The following CSMD1 variants were observed in gnomAD, a reference collection of about 807,000 sequenced individuals.
CSMD1 encodes the protein CUB and sushi domain-containing protein 1.
CSMD1 carries 213 observed loss-of-function variants against 417.5 expected under a neutral mutation model. That is an observed-to-expected ratio of 0.51 (90% confidence interval 0.46 to 0.57). CSMD1 has a LOEUF of 0.57. Among genes scored for constraint, CSMD1 ranks in the 20% least tolerant of loss-of-function variants. The pLI, the probability that CSMD1 is intolerant of heterozygous loss-of-function variation, is 0.00. For synonymous variants in CSMD1, 2,862 were observed against 1,736.8 expected (o/e 1.65, Z -16.11); for missense variants, 6,923 against 4,529.7 (o/e 1.53, Z -15.17).
intron 3 of CSMD1, among the ~76,000 whole-genome samples, chr8:4,141,703 C>G (rs1411779598): frequency 6.6e-6 from 1 of 151,070 alleles, no homozygotes; most frequent in Admixed American, 6.6e-5. Flanking sequence ...GGAGAGCAGG[C>G]AATTCTGATC....
chr8:4,928,771 A>G (rs139396907), intron 1 of CSMD1, among the ~76,000 whole-genome samples: 181 of 152,230 alleles, frequency 1.2e-3, no homozygotes, highest in African/African-American at 4.3e-3. Flanking sequence ...TTAAAGAGGT[A>G]ATTAAGTTAA....
intron 3 of CSMD1, among the ~76,000 whole-genome samples, chr8:4,226,084 AC>A (rs1801337438): frequency 6.7e-6 from 1 of 149,468 alleles, no homozygotes; most frequent in Non-Finnish European, 1.5e-5. Context: ...ACACACACAC[AC>A]ACACACACAC....
At chr8:4,246,031 A>C (rs1352278542) in intron 3 of CSMD1, among the ~76,000 whole-genome samples, 1 of 152,128 alleles carries the variant, frequency 6.6e-6, no homozygotes, top group Admixed American at 6.5e-5. Flanking sequence ...TTGTTGTTTG[A>C]TTTTTAACTT....
chr8:4,299,477 A>T (rs962321294), intron 3 of CSMD1, among the ~76,000 whole-genome samples: 2 of 152,206 alleles, frequency 1.3e-5, no homozygotes, highest in African/African-American at 4.8e-5. Flanking sequence ...TTCAACAGAT[A>T]CTTACTCAAT....
chr8:3,667,656 T>A (rs1300178701), intron 7 of CSMD1, among the ~76,000 whole-genome samples: 3 of 152,116 alleles, frequency 2.0e-5, no homozygotes, highest in Non-Finnish European at 4.4e-5. Context: ...ACCCAGGCCT[T>A]GGGGTGAAGA....
chr8:4,189,873 C>T lies in CSMD1; in HGVS notation c.416-157774G>A, dbSNP rs1798911360. On this transcript the variant is annotated intron_variant, in intron 3 of 69. Coordinates refer to ENST00000635120, the MANE Select transcript of CSMD1 (RefSeq NM_033225.6). ...TTAATATTTTTTGTGGTACGTAATACATAGCCTTGAATCATTTCTAAGCCA... is the reference window on the plus strand; with the variant it reads ...TTAATATTTTTTGTGGTACGTAATATATAGCCTTGAATCATTTCTAAGCCA... Among the ~76,000 whole-genome samples the T allele has an allele frequency of 2.6e-5, 4 of 152,086 alleles. No homozygotes were observed. The South Asian group carries it at 6.2e-4, about 24-fold the overall frequency.
At chr8:3,782,142 C>G (rs1191057110) in intron 5 of CSMD1, among the ~76,000 whole-genome samples, 1 of 152,002 alleles carries the variant, frequency 6.6e-6, no homozygotes, top group African/African-American at 2.4e-5. Context: ...CTTTTTTTCT[C>G]ATTTAAAAGA....
At chr8:4,919,974 C>A (rs906150648) in intron 1 of CSMD1, among the ~76,000 whole-genome samples, 1 of 152,136 alleles carries the variant, frequency 6.6e-6, no homozygotes, top group Non-Finnish European at 1.5e-5. Context: ...GACTTCCCAG[C>A]CTCCAGAACC....
intron 3 of CSMD1, among the ~76,000 whole-genome samples, chr8:4,064,464 A>C (rs1321313688): frequency 2.6e-5 from 4 of 152,200 alleles, no homozygotes; most frequent in African/African-American, 7.2e-5. Context: ...CATATATCAA[A>C]ACTGTAGCTG....
intron 5 of CSMD1, among the ~76,000 whole-genome samples, chr8:3,965,893 AG>A (rs1414230253): frequency 6.6e-6 from 1 of 152,194 alleles, no homozygotes; most frequent in Admixed American, 6.5e-5. Flanking sequence ...CTAGGACTAC[AG>A]GTATGAGCCA....
chr8:3,885,645 C>G lies in CSMD1; in HGVS notation c.818+112258G>C, dbSNP rs910566530. Among the ~76,000 whole-genome samples, 11 of 152,260 alleles carry G rather than the reference C, an allele frequency of 7.2e-5. No homozygotes were observed. The East Asian group carries it at 2.1e-3, about 29-fold the overall frequency. On this transcript the variant is annotated intron_variant, in intron 5 of 69. Transcript: ENST00000635120. ...CCTTTCATTTCTTGCTTTCTGTTCTCTATTCCCCCTCATTATTCTCTCCAT... is the reference window on the plus strand; with the variant it reads ...CCTTTCATTTCTTGCTTTCTGTTCTGTATTCCCCCTCATTATTCTCTCCAT...
chr8:3,919,785 T>A (rs1410134458), intron 5 of CSMD1, among the ~76,000 whole-genome samples: 1 of 152,168 alleles, frequency 6.6e-6, no homozygotes, highest in East Asian at 1.9e-4. Flanking sequence ...TCTTTCCATT[T>A]GTTTGTGTTT....
intron 1 of CSMD1, among the ~76,000 whole-genome samples, chr8:4,738,089 G>A (rs1293150104): frequency 6.6e-6 from 1 of 152,188 alleles, no homozygotes. Context: ...AACACCAGGT[G>A]AATGGGACAA....
At position 3,680,574 on chromosome 8, in the gene CSMD1, C is replaced by A. The variant is rs765083403; in HGVS notation, c.1009+27840G>T. Reference sequence around the variant, plus strand: ...CTTACCAACCAAAAAAAGTCCAGGACCAGATGGATTCACAGCCGATTTCTA... The same window carrying A: ...CTTACCAACCAAAAAAAGTCCAGGAACAGATGGATTCACAGCCGATTTCTA... On this transcript the variant is annotated intron_variant, in intron 7 of 69. Coordinates refer to ENST00000635120, the MANE Select transcript of CSMD1 (RefSeq NM_033225.6). Among the ~76,000 whole-genome samples, 6 of 152,076 alleles carry A rather than the reference C, an allele frequency of 3.9e-5. No homozygotes were observed. In the East Asian group the frequency reaches 5.8e-4, roughly 15 times the overall value.
intron 52 of CSMD1, among the ~76,000 whole-genome samples, chr8:3,004,085 A>AT (rs1025664677): frequency 7.3e-5 from 11 of 150,528 alleles, no homozygotes; most frequent in East Asian, 1.9e-4. Flanking sequence ...TATTCACTGA[A>AT]TTTTTTTTTT....
chr8:4,244,972 G>C (rs528215686), intron 3 of CSMD1, among the ~76,000 whole-genome samples: 1 of 152,182 alleles, frequency 6.6e-6, no homozygotes, highest in African/African-American at 2.4e-5. Context: ...ATAACCAAAA[G>C]CCTGGAGTGG....
At chr8:2,956,584 G>C (rs892485909) in intron 63 of CSMD1, among the ~76,000 whole-genome samples, 10 of 151,966 alleles carry the variant, frequency 6.6e-5, no homozygotes, top group African/African-American at 2.2e-4. Flanking sequence ...CTCCCCAGTA[G>C]CTGGGACTAC....
intron 5 of CSMD1, among the ~76,000 whole-genome samples, chr8:3,957,011 G>C (rs567764984): frequency 6.6e-6 from 1 of 151,056 alleles, no homozygotes; most frequent in Admixed American, 6.6e-5. Flanking sequence ...AACCCACATG[G>C]AAGTAGAGAG....
intron 1 of CSMD1, among the ~76,000 whole-genome samples, chr8:4,923,229 A>G (rs913180152): frequency 1.3e-5 from 2 of 152,338 alleles, no homozygotes; most frequent in East Asian, 1.9e-4. Flanking sequence ...ACAAGTGTCC[A>G]TTCATTAAAC....
Sources: gnomAD v4.1 joint callset for allele counts (sites outside exome capture counted in the v4.1 genomes callset) on GRCh38, gnomAD v4.1.1 for gene constraint, MANE v1.5 for transcripts, NCBI Gene and HGNC (gene_info 2026-07-23, HGNC 2026-07-21) for gene names.